Variants in ACOXL observed in about 807,000 individuals in gnomAD.
ACOXL encodes acyl-CoA oxidase like, also known as acyl-coenzyme A oxidase-like protein.
A neutral mutation model predicts 71.9 loss-of-function variants in ACOXL; 70 were observed. The ratio of observed to expected loss-of-function variants is 0.97; its 90% CI spans 0.80 to 1.19. ACOXL has a LOEUF of 1.19. Ranked by LOEUF, ACOXL falls within the 50% of genes most tolerant of loss-of-function variation. The pLI, the probability that ACOXL is intolerant of heterozygous loss-of-function variation, is 0.00. For synonymous variants in ACOXL, 253 were observed against 281.6 expected (o/e 0.90, Z 1.02); for missense variants, 703 against 736.3 (o/e 0.95, Z 0.52).
At chr2:110,973,380 T>A (rs1277876450) in intron 12 of ACOXL, among the ~76,000 whole-genome samples, 1 of 152,014 alleles carries the variant, frequency 6.6e-6, no homozygotes. Context: ...AGGTGGGGCC[T>A]TTGAGAGGTG....
chr2:110,854,523 T>G (rs1320822150), intron 10 of ACOXL, among the ~76,000 whole-genome samples: 1 of 152,074 alleles, frequency 6.6e-6, no homozygotes, highest in Non-Finnish European at 1.5e-5. Context: ...AGGAGGGTGT[T>G]TGTTTGCTCT....
intron 16 of ACOXL, among the ~76,000 whole-genome samples, chr2:111,057,966 C>T (rs137990903): frequency 2.1e-5 from 1 of 47,548 alleles, no homozygotes; most frequent in African/African-American, 1.3e-4. Context: ...CCTACCCATG[C>T]GAGTCTAGCA....
At chr2:110,761,467 T>C (rs1337379629) in intron 1 of ACOXL, among the ~76,000 whole-genome samples, 1 of 152,216 alleles carries the variant, frequency 6.6e-6, no homozygotes, top group Non-Finnish European at 1.5e-5. Context: ...TACCCTGCAA[T>C]CAATGACTAA....
At chr2:111,052,362 C>A (rs552251548) in intron 16 of ACOXL, among the ~76,000 whole-genome samples, 2 of 152,214 alleles carry the variant, frequency 1.3e-5, no homozygotes, top group South Asian at 4.2e-4. Context: ...ACTGTGGTGG[C>A]AGGCTTCTGG....
intron 12 of ACOXL, among the ~76,000 whole-genome samples, chr2:110,942,490 C>A (rs2149373025): frequency 6.6e-6 from 1 of 152,220 alleles, no homozygotes; most frequent in Non-Finnish European, 1.5e-5. Context: ...TCATAATGAC[C>A]AGGGGCCTGT....
intron 10 of ACOXL, among the ~76,000 whole-genome samples, chr2:110,877,684 C>A (rs1462328577): frequency 6.6e-6 from 1 of 152,184 alleles, no homozygotes; most frequent in African/African-American, 2.4e-5. Context: ...AAAGGTCAGA[C>A]CCTCTACTGA....
At chr2:110,887,297 T>A (rs1310446638) in intron 10 of ACOXL, 1 of 156,082 alleles carries the variant, frequency 6.4e-6, no homozygotes, top group Admixed American at 6.2e-5. Flanking sequence ...CATCCCTTGG[T>A]CATGTTCCCA....
chr2:110,739,073 C>G (rs1176620409), intron 1 of ACOXL, among the ~76,000 whole-genome samples: 1 of 152,086 alleles, frequency 6.6e-6, no homozygotes, highest in African/African-American at 2.4e-5. Context: ...TCTCTGTTTT[C>G]TTTGAGTTCC....
At chr2:110,851,027 T>C (rs1462956718) in intron 10 of ACOXL, among the ~76,000 whole-genome samples, 1 of 152,166 alleles carries the variant, frequency 6.6e-6, no homozygotes, top group African/African-American at 2.4e-5. Context: ...AAAAGTGCCC[T>C]TACTGTGTGA....
chr2:110,983,223 C>T (rs1273217957), intron 12 of ACOXL, among the ~76,000 whole-genome samples: 1 of 152,204 alleles, frequency 6.6e-6, no homozygotes, highest in African/African-American at 2.4e-5. Flanking sequence ...TTTCACTGTA[C>T]CTAGCATAAA....
At chr2:110,897,413 AG>A (rs1023349319) in intron 10 of ACOXL, among the ~76,000 whole-genome samples, 4 of 152,224 alleles carry the variant, frequency 2.6e-5, no homozygotes, top group African/African-American at 9.6e-5. Flanking sequence ...TCCAGGATCA[AG>A]GCCCTGGCAT....
At chr2:111,080,030 G>A (rs947911702) in intron 16 of ACOXL, among the ~76,000 whole-genome samples, 1 of 152,070 alleles carries the variant, frequency 6.6e-6, no homozygotes. Context: ...ATAGTATTCT[G>A]TGATGGTAGT....
chr2:110,950,344 C>A (rs573859487), intron 12 of ACOXL, among the ~76,000 whole-genome samples: 1 of 152,274 alleles, frequency 6.6e-6, no homozygotes, highest in South Asian at 2.1e-4. Flanking sequence ...GTAAAACTGA[C>A]CTTCATCACT....
At chr2:111,001,940 C>A (rs982143805) in intron 14 of ACOXL, among the ~76,000 whole-genome samples, 1 of 152,174 alleles carries the variant, frequency 6.6e-6, no homozygotes, top group Non-Finnish European at 1.5e-5. Flanking sequence ...CAGTCTTCAA[C>A]GATCCCTGCC....
chr2:110,760,075 T>C (rs1038523009), intron 1 of ACOXL, among the ~76,000 whole-genome samples: 2 of 152,032 alleles, frequency 1.3e-5, no homozygotes, highest in Non-Finnish European at 2.9e-5. Flanking sequence ...TTTGTAGTAG[T>C]TGTTAGTTGA....
chr2:111,036,572 AC>A (rs942857424), intron 15 of ACOXL, among the ~76,000 whole-genome samples: 32 of 152,170 alleles, frequency 2.1e-4, no homozygotes, highest in African/African-American at 7.5e-4. Flanking sequence ...TACTTCAGTC[AC>A]ACGGCCAAAT....
chr2:110,906,350 C>T (rs2059443436), intron 10 of ACOXL, among the ~76,000 whole-genome samples: 1 of 151,604 alleles, frequency 6.6e-6, no homozygotes, highest in Non-Finnish European at 1.5e-5. Flanking sequence ...CCAGCCTGGC[C>T]AACATGGTGA....
In ACOXL at chr2:111,118,029, C is replaced by T. The variant is rs898861924; in HGVS notation, c.*213C>T. The T allele has an allele frequency of 1.3e-5, 8 of 620,594 alleles. No individual in the cohort carries two copies. The highest frequency in any genetic ancestry group is 8.9e-5 in the Admixed American group (3 of 33,572). The allele number at this position is 620,594 out of a possible 1,614,324, so 38.4% of individuals were successfully genotyped here. A position where few individuals can be genotyped will look rare whatever the true frequency, so the allele number is the denominator to read the frequency against. On this transcript the variant is annotated 3_prime_UTR_variant, in exon 18 of 18. Coordinates refer to ENST00000439055, the MANE Select transcript of ACOXL (RefSeq NM_001142807.4). The stretch of plus-strand genomic sequence containing the variant: ...AGACGGTCGCCTGGTGCGCTGGATC[C>T]CTGTGCCCTTTCCCTGAAACCCAGC...
chr2:110,806,979 G>A (rs957682037), intron 9 of ACOXL, among the ~76,000 whole-genome samples: 3 of 152,138 alleles, frequency 2.0e-5, no homozygotes, highest in African/African-American at 7.2e-5. Context: ...TGGGGGTGGT[G>A]TCCCAGGGAG....
Sources: allele counts gnomAD v4.1 joint callset (sites outside exome capture counted in the v4.1 genomes callset), GRCh38; gene constraint gnomAD v4.1.1; transcripts MANE v1.5; gene names NCBI Gene and HGNC (gene_info 2026-07-23, HGNC 2026-07-21).